TENM4: variants seen among roughly 807,000 people sequenced by gnomAD.
The protein encoded by TENM4 is teneurin-4.
Under a neutral mutation model 243.3 loss-of-function variants are expected in TENM4, and 82 were observed. The ratio of observed to expected loss-of-function variants is 0.34; its 90% confidence interval spans 0.28 to 0.40. The LOEUF (loss-of-function observed/expected upper bound fraction) is 0.40, where lower values mean the gene tolerates loss of function less well. Among genes scored for constraint, TENM4 ranks in the 10% least tolerant of loss-of-function variants. The pLI, the probability that TENM4 is intolerant of heterozygous loss-of-function variation, is 1.00. For missense variants in TENM4, 3,138 were observed against 3,673.3 expected (o/e 0.85, Z 3.77); for synonymous variants, 1,412 against 1,456.3 (o/e 0.97, Z 0.69).
chr11:79,323,365 G>T lies in TENM4; in HGVS notation c.-320-25822C>A, dbSNP rs150353048. On this transcript the variant is annotated intron_variant, in intron 1 of 33. Transcript: ENST00000278550. ...CCTGCTCTTCTTTCTACTACAGCAT[G>T]ATGAGGACTGAACACTTGCTCAGAA... Among the ~76,000 whole-genome samples, 59 of 152,312 alleles carry T rather than the reference G, an allele frequency of 3.9e-4. 1 individual carries two copies. The South Asian group carries it at 8.1e-3, about 21-fold the overall frequency.
chr11:78,818,548 G>A (rs1175042446), intron 12 of TENM4, among the ~76,000 whole-genome samples: 2 of 152,194 alleles, frequency 1.3e-5, no homozygotes, highest in Non-Finnish European at 2.9e-5. Flanking sequence ...ATTTTCTTTT[G>A]ATAAAATGCT....
chr11:79,364,087 A>G (rs1857635159), intron 1 of TENM4, among the ~76,000 whole-genome samples: 1 of 152,328 alleles, frequency 6.6e-6, no homozygotes, highest in Non-Finnish European at 1.5e-5. Context: ...CGAGATGGAA[A>G]AATGCTTTGG....
At chr11:78,692,086 C>T (rs1008951392) in intron 28 of TENM4, among the ~76,000 whole-genome samples, 4 of 152,198 alleles carry the variant, frequency 2.6e-5, no homozygotes, top group African/African-American at 9.7e-5. Context: ...TCTCTGAACT[C>T]CCTGGGCTCC....
intron 15 of TENM4, among the ~76,000 whole-genome samples, chr11:78,798,069 A>G (rs1473840388): frequency 6.6e-6 from 1 of 152,210 alleles, no homozygotes; most frequent in East Asian, 1.9e-4. Context: ...TCTCCCATCC[A>G]TGAACATAAG....
chr11:78,953,365 G>T (rs1857143958), intron 6 of TENM4, among the ~76,000 whole-genome samples: 1 of 152,146 alleles, frequency 6.6e-6, no homozygotes, highest in Non-Finnish European at 1.5e-5. Context: ...GCTCTTCCAA[G>T]CCAGGAGGGG....
intron 6 of TENM4, among the ~76,000 whole-genome samples, chr11:78,979,124 G>A (rs1857733526): frequency 6.6e-6 from 1 of 152,176 alleles, no homozygotes; most frequent in Non-Finnish European, 1.5e-5. Context: ...CTGGTTCTGT[G>A]TGATTTGTCA....
At chr11:78,823,016 A>G (rs522624) in intron 12 of TENM4, among the ~76,000 whole-genome samples, 73,290 of 152,004 alleles carry the variant, frequency 0.48, 18,766 homozygotes, top group African/African-American at 0.62. Flanking sequence ...GGCTGTTGGC[A>G]GCAGCGCTCT....
intron 18 of TENM4, among the ~76,000 whole-genome samples, chr11:78,757,916 T>A (rs1230601867): frequency 1.3e-5 from 2 of 152,218 alleles, no homozygotes; most frequent in Non-Finnish European, 2.9e-5. Context: ...ATGGATGGGC[T>A]TCTTCAGGAC....
intron 1 of TENM4, among the ~76,000 whole-genome samples, chr11:79,349,765 A>G (rs1008362558): frequency 6.6e-6 from 1 of 152,202 alleles, no homozygotes; most frequent in Non-Finnish European, 1.5e-5. Flanking sequence ...TCTGGAATGC[A>G]ATCCAGGCAG....
At chr11:78,968,543 T>A (rs566106708) in intron 6 of TENM4, among the ~76,000 whole-genome samples, 1 of 152,256 alleles carries the variant, frequency 6.6e-6, no homozygotes, top group East Asian at 1.9e-4. Flanking sequence ...AGTTCTTTTA[T>A]AGCAATGCAA....
Position 79,052,806 on chromosome 11 carries a change from T to C in TENM4, c.493+11932A>G, listed in dbSNP as rs539059923. Among the ~76,000 whole-genome samples, 42 of 152,330 alleles carry C rather than the reference T, an allele frequency of 2.8e-4. No individual in the cohort carries two copies. The South Asian group carries it at 2.9e-3, about 11-fold the overall frequency. On this transcript the variant is annotated intron_variant, in intron 6 of 33. Coordinates refer to ENST00000278550, the MANE Select transcript of TENM4 (RefSeq NM_001098816.3). Reference sequence around the variant, plus strand: ...CTGCTGCCTAGCACCCATTAACTGCTTGTCTTGCCTTCCTCCCACAGACTA... The same window carrying C: ...CTGCTGCCTAGCACCCATTAACTGCCTGTCTTGCCTTCCTCCCACAGACTA...
intron 5 of TENM4, among the ~76,000 whole-genome samples, chr11:79,068,945 A>G (rs1431411876): frequency 6.6e-6 from 1 of 152,188 alleles, no homozygotes; most frequent in Non-Finnish European, 1.5e-5. Flanking sequence ...GTCACCCCCA[A>G]GCTTCATCTG....
At chr11:78,828,484 C>T (rs567511861) in intron 12 of TENM4, among the ~76,000 whole-genome samples, 6 of 152,160 alleles carry the variant, frequency 3.9e-5, no homozygotes, top group Non-Finnish European at 8.8e-5. Context: ...TCTCAGGCTG[C>T]GGTGGATTTT....
Position 79,040,374 on chromosome 11 carries a change from T to TCCAGCCTCCAGGAGCAG in TENM4, c.493+24347_493+24363dup, listed in dbSNP as rs370426919. 1.2e-4 allele frequency among the ~76,000 whole-genome samples: 18 copies of TCCAGCCTCCAGGAGCAG among 152,272 alleles called. No homozygotes were observed. In the South Asian group the frequency reaches 1.9e-3, roughly 16 times the overall value. ...CCTTCTTCCTCACTGACTGCCTTTG[T>TCCAGCCTCCAGGAGCAG]CCAGCCTCCAGGAGCAGCCAGCCTC... On this transcript the variant is annotated intron_variant, in intron 6 of 33. Coordinates refer to ENST00000278550, the MANE Select transcript of TENM4 (RefSeq NM_001098816.3).
intron 6 of TENM4, among the ~76,000 whole-genome samples, chr11:79,007,994 C>T (rs1858537193): frequency 6.6e-6 from 1 of 152,166 alleles, no homozygotes; most frequent in African/African-American, 2.4e-5. Context: ...GAGTTTCAAA[C>T]CCGCAGCTCT....
At chr11:79,063,075 A>C (rs1860142139) in intron 6 of TENM4, among the ~76,000 whole-genome samples, 1 of 152,180 alleles carries the variant, frequency 6.6e-6, no homozygotes. Context: ...AGACAAGTAC[A>C]CAGGCTCCCT....
chr11:79,022,315 G>C (rs1858950581), intron 6 of TENM4, among the ~76,000 whole-genome samples: 1 of 152,214 alleles, frequency 6.6e-6, no homozygotes, highest in Non-Finnish European at 1.5e-5. Context: ...GTGGGAATGT[G>C]AATCTGTTTT....
intron 15 of TENM4, among the ~76,000 whole-genome samples, chr11:78,791,036 G>T (rs1200057419): frequency 2.6e-5 from 4 of 152,028 alleles, no homozygotes; most frequent in Non-Finnish European, 2.9e-5. Context: ...TTACAAGCTG[G>T]GTTGTGAGCT....
chr11:78,729,505 G>A lies in TENM4; in HGVS notation c.3277C>T (p.Leu1093Phe), dbSNP rs1855600927. 2 of 1,613,916 alleles carry A rather than the reference G, an allele frequency of 1.2e-6. No homozygotes were observed. The highest frequency in any genetic ancestry group is 1.7e-6 in the Non-Finnish European group (2 of 1,179,858). ...TIPFNLMKVH[L>F]MVAVEGRLFR... ...AGGCGGCCCTCCACCGCTACCATGA[G>A]GTGCACCTTCATGAGGTTGAAGGGG... The change falls in exon 22 of 34, where the codon CTC (leucine) becomes TTC (phenylalanine). Residue 1093 changes from leucine (L) to phenylalanine (F), a missense_variant. Around this residue, in one of 2 missense-constraint regions of TENM4, gnomAD observed 2,467 missense variants for 3,059.1 expected, o/e 0.81. Coordinates refer to ENST00000278550, the MANE Select transcript of TENM4 (RefSeq NM_001098816.3).
Sources: gnomAD v4.1 joint callset for allele counts (sites outside exome capture counted in the v4.1 genomes callset) on GRCh38, gnomAD v4.1.1 for gene constraint, gnomAD v4.1.1 regional missense constraint, MANE v1.5 for transcripts, NCBI Gene and HGNC (gene_info 2026-07-23, HGNC 2026-07-21) for gene names.